Variants in EEF1AKMT2 observed in about 807,000 individuals in gnomAD.
EEF1AKMT2 encodes the protein EEF1A lysine methyltransferase 2.
A neutral mutation model predicts 35.8 loss-of-function variants in EEF1AKMT2; 32 were observed. The observed-to-expected ratio is 0.89, with a 90% CI of 0.67 to 1.20. The LOEUF is 1.20. Among genes scored for constraint, EEF1AKMT2 ranks in the 50% most tolerant of loss-of-function variants. The pLI is 0.00. For missense variants in EEF1AKMT2, 330 were observed against 347.5 expected (o/e 0.95, Z 0.40); for synonymous variants, 121 against 133.7 (o/e 0.91, Z 0.65).
intron 3 of EEF1AKMT2, among the ~76,000 whole-genome samples, chr10:124,782,560 C>T (rs1388369334): frequency 2.1e-3 from 251 of 116,966 alleles, no homozygotes; most frequent in Non-Finnish European, 2.7e-3. Context: ...CCAGCCTGGG[C>T]GACAGAGCGA....
At chr10:124,781,932 A>G (rs1357507653) in intron 3 of EEF1AKMT2, among the ~76,000 whole-genome samples, 6 of 152,172 alleles carry the variant, frequency 3.9e-5, no homozygotes, top group Admixed American at 3.3e-4. Context: ...AAGGTGAAAG[A>G]TCAAGAACCC....
At chr10:124,786,226 G>A (rs1489176924) in intron 3 of EEF1AKMT2, among the ~76,000 whole-genome samples, 1 of 152,074 alleles carries the variant, frequency 6.6e-6, no homozygotes, top group Non-Finnish European at 1.5e-5. Context: ...GAATTTCAGG[G>A]CCGGGCGTGG....
chr10:124,780,971 G>T (rs577168249), intron 3 of EEF1AKMT2, among the ~76,000 whole-genome samples: 1 of 151,648 alleles, frequency 6.6e-6, no homozygotes, highest in Non-Finnish European at 1.5e-5. Context: ...TTTTGAGACG[G>T]AGTCTTGCTC....
chr10:124,780,830 A>G (rs915540152), intron 3 of EEF1AKMT2, among the ~76,000 whole-genome samples: 2 of 152,222 alleles, frequency 1.3e-5, no homozygotes, highest in Non-Finnish European at 2.9e-5. Context: ...TGCAAAAAAC[A>G]AAAGACAAAG....
At chr10:124,776,767 C>T (rs566025195) in intron 3 of EEF1AKMT2, among the ~76,000 whole-genome samples, 37 of 151,786 alleles carry the variant, frequency 2.4e-4, no homozygotes, top group African/African-American at 8.9e-4. Flanking sequence ...TGCACTCCAG[C>T]CTGGGCAACA....
At chr10:124,781,851 T>C (rs1018487685) in intron 3 of EEF1AKMT2, among the ~76,000 whole-genome samples, 3 of 151,948 alleles carry the variant, frequency 2.0e-5, no homozygotes, top group African/African-American at 4.8e-5. Context: ...CTTAAAATGT[T>C]TGAAAAAAAT....
intron 4 of EEF1AKMT2, among the ~76,000 whole-genome samples, chr10:124,774,051 T>C (rs559233407): frequency 1.1e-3 from 164 of 152,228 alleles, no homozygotes; most frequent in African/African-American, 3.9e-3. Flanking sequence ...TTGGTGACAT[T>C]ATACCACTTG....
chr10:124,775,798 C>A (rs1332784150), intron 3 of EEF1AKMT2, among the ~76,000 whole-genome samples: 1 of 152,114 alleles, frequency 6.6e-6, no homozygotes, highest in Non-Finnish European at 1.5e-5. Context: ...TTGATGCCAA[C>A]CTTCCACCCT....
chr10:124,776,295 T>C (rs1227462763), intron 3 of EEF1AKMT2, among the ~76,000 whole-genome samples: 1 of 152,160 alleles, frequency 6.6e-6, no homozygotes, highest in Non-Finnish European at 1.5e-5. Context: ...CTCCAATGTC[T>C]TTCACATTCA....
Position 124,760,293 on chromosome 10 carries a change from CA to C in EEF1AKMT2, c.*209del. 1 of 616,306 alleles carries C rather than the reference CA, an allele frequency of 1.6e-6. No homozygotes were observed. The highest frequency in any genetic ancestry group is 2.6e-4 in the Middle Eastern group (1 of 3,874). The allele number at this position is 616,306 out of a possible 1,614,324, so 38.2% of individuals were successfully genotyped here. On this transcript the variant is annotated 3_prime_UTR_variant, in exon 7 of 7. Coordinates refer to ENST00000368836, the MANE Select transcript of EEF1AKMT2 (RefSeq NM_212554.4). ...TTTCACCAATCCAGTATACTCTATT[CA>C]ACATGTGCATCCTGTGTACTTACTA...
chr10:124,779,381 C>T (rs908556003), intron 3 of EEF1AKMT2, among the ~76,000 whole-genome samples: 1 of 152,132 alleles, frequency 6.6e-6, no homozygotes, highest in Admixed American at 6.5e-5. Context: ...AAACCTTCCA[C>T]CTTGGCCTCC....
chr10:124,776,688 G>A (rs1255660456), intron 3 of EEF1AKMT2, among the ~76,000 whole-genome samples: 1 of 151,900 alleles, frequency 6.6e-6, no homozygotes, highest in Non-Finnish European at 1.5e-5. Context: ...CCAGCTACTC[G>A]GGAGGCTGAG....
chr10:124,768,426 T>C (rs1434429301), intron 4 of EEF1AKMT2, among the ~76,000 whole-genome samples: 2 of 152,066 alleles, frequency 1.3e-5, no homozygotes, highest in African/African-American at 2.4e-5. Flanking sequence ...CTGACCAACA[T>C]GTTGAAACCC....
intron 5 of EEF1AKMT2, among the ~76,000 whole-genome samples, chr10:124,763,878 A>G (rs190165952): frequency 4.1e-4 from 62 of 152,316 alleles, no homozygotes; most frequent in Middle Eastern, 3.4e-3. Flanking sequence ...AACAGTTCTA[A>G]AGGAAACAAA....
intron 3 of EEF1AKMT2, among the ~76,000 whole-genome samples, chr10:124,782,581 C>CAAAAAAA (rs34882125): frequency 3.2e-5 from 2 of 62,404 alleles, no homozygotes; most frequent in African/African-American, 6.8e-5. Flanking sequence ...GACTCCGTCT[C>CAAAAAAA]AAAAAAAAAA....
intron 6 of EEF1AKMT2, among the ~76,000 whole-genome samples, chr10:124,762,088 T>A (rs970755820): frequency 5.3e-5 from 8 of 152,124 alleles, no homozygotes; most frequent in Non-Finnish European, 1.0e-4. Flanking sequence ...CAGAAAAAAA[T>A]GTTTTAAGTG....
intron 3 of EEF1AKMT2, among the ~76,000 whole-genome samples, chr10:124,782,587 A>C (rs557849216): frequency 5.7e-4 from 86 of 149,928 alleles, no homozygotes; most frequent in African/African-American, 2.0e-3. Flanking sequence ...GTCTCAAAAA[A>C]AAAAAAAAAA....
Position 124,763,937 on chromosome 10 carries a change from A to T in EEF1AKMT2, c.617-1379T>A, listed in dbSNP as rs966277693. Among the ~76,000 whole-genome samples the T allele has an allele frequency of 4.6e-5, 7 of 152,190 alleles. No homozygotes were observed. The South Asian group carries it at 8.3e-4, about 18-fold the overall frequency. ...AAATGGCATGAAAGAAAAGACAATA[A>T]ATCACATATAATTCTTGTTTTCCAG... On this transcript the variant is annotated intron_variant, in intron 5 of 6. Coordinates refer to ENST00000368836, the MANE Select transcript of EEF1AKMT2 (RefSeq NM_212554.4).
At chr10:124,764,971 G>A (rs957640557) in intron 5 of EEF1AKMT2, among the ~76,000 whole-genome samples, 2 of 152,076 alleles carry the variant, frequency 1.3e-5, no homozygotes, top group African/African-American at 4.8e-5. Flanking sequence ...GCACAATCTC[G>A]ACTCACTGCA....
Sources: allele counts gnomAD v4.1 joint callset (sites outside exome capture counted in the v4.1 genomes callset), GRCh38; gene constraint gnomAD v4.1.1; transcripts MANE v1.5; gene names NCBI Gene and HGNC (gene_info 2026-07-23, HGNC 2026-07-21).